CACNB2: variants seen among roughly 807,000 people sequenced by gnomAD.
CACNB2 encodes voltage-dependent L-type calcium channel subunit beta-2.
A neutral mutation model predicts 73.3 loss-of-function variants in CACNB2; 42 were observed. The ratio of observed to expected loss-of-function variants is 0.57; its 90% CI spans 0.45 to 0.74. The LOEUF is 0.74. Ranked by LOEUF, CACNB2 falls within the 30% of genes least tolerant of loss-of-function variation. The probability of loss-of-function intolerance (pLI) is 0.00; values close to 1 mark genes in which losing one functional copy is unlikely to be tolerated. For synonymous variants in CACNB2, 348 were observed against 310.3 expected, an observed-to-expected ratio of 1.12 and a Z score of -1.28; for missense variants, 940 against 853.0, an observed-to-expected ratio of 1.10 and a Z score of -1.27.
At chr10:18,242,904 G>T (rs1588822600) in intron 2 of CACNB2, among the ~76,000 whole-genome samples, 1 of 151,208 alleles carries the variant, frequency 6.6e-6, no homozygotes, top group African/African-American at 2.4e-5. Context: ...CAGCTATTCG[G>T]GAGGCTGAGT....
In CACNB2 at chr10:18,374,450, G is replaced by T. The variant is rs7072365; in HGVS notation, c.214-27474G>T. On this transcript the variant is annotated intron_variant, in intron 2 of 13. Transcript: ENST00000324631. ...ATATCAAATTAGTCAAGGCAAGGCCGGGTACAGTGGCTCATGCCTATAATC... is the reference window on the plus strand; with the variant it reads ...ATATCAAATTAGTCAAGGCAAGGCCTGGTACAGTGGCTCATGCCTATAATC... Among the ~76,000 whole-genome samples, 294 of 152,204 alleles carry T rather than the reference G, an allele frequency of 1.9e-3. 3 individuals carry two copies. Among genetic ancestry groups the T allele is most frequent in the Admixed American group, 0.016 (238 of 15,300 alleles).
At chr10:18,383,870 T>C (rs1257759315) in intron 2 of CACNB2, among the ~76,000 whole-genome samples, 1 of 151,780 alleles carries the variant, frequency 6.6e-6, no homozygotes, top group African/African-American at 2.4e-5. Flanking sequence ...CACGCCCGGC[T>C]AATTTTTGTA....
chr10:18,164,314 G>A (rs531535534), intron 2 of CACNB2, among the ~76,000 whole-genome samples: 8 of 152,242 alleles, frequency 5.3e-5, no homozygotes, highest in Admixed American at 3.3e-4. Flanking sequence ...GCGCAGAAGT[G>A]GTCATTAGTG....
chr10:18,243,091 C>G (rs1330473801), intron 2 of CACNB2, among the ~76,000 whole-genome samples: 2 of 151,564 alleles, frequency 1.3e-5, no homozygotes, highest in Non-Finnish European at 2.9e-5. Context: ...TTGATACTTT[C>G]TAAGTTGTCA....
At chr10:18,406,524 T>C (rs2044296041) in intron 3 of CACNB2, among the ~76,000 whole-genome samples, 1 of 152,184 alleles carries the variant, frequency 6.6e-6, no homozygotes, top group South Asian at 2.1e-4. Context: ...GAGCTATGCA[T>C]GTGAGCGATC....
intron 2 of CACNB2, among the ~76,000 whole-genome samples, chr10:18,192,148 G>C (rs2034426572): frequency 6.6e-6 from 1 of 151,846 alleles, no homozygotes; most frequent in Non-Finnish European, 1.5e-5. Flanking sequence ...AACAAGGCCA[G>C]ACAAAGGTAC....
intron 2 of CACNB2, among the ~76,000 whole-genome samples, chr10:18,154,070 TAG>T (rs1350917879): frequency 1.3e-5 from 2 of 151,934 alleles, no homozygotes; most frequent in East Asian, 3.9e-4. Context: ...ATCTTGCAGT[TAG>T]AGTCTACTAT....
At position 18,140,876 on chromosome 10, in the gene CACNB2, T is replaced by A. The variant is rs1263565587; in HGVS notation, c.120+20T>A. 3.2e-6 allele frequency: 5 copies of A among 1,582,012 alleles called. No homozygotes were observed. The highest frequency in any genetic ancestry group is 1.9e-4 in the Middle Eastern group (1 of 5,160). ...GCACAGGTAGCGAGAGCGCGGCGCCTTCTCCTTCCTTTGTGAGCCGCCGGG... is the reference window on the plus strand; with the variant it reads ...GCACAGGTAGCGAGAGCGCGGCGCCATCTCCTTCCTTTGTGAGCCGCCGGG... On this transcript the variant is annotated intron_variant, in intron 1 of 13. Coordinates refer to ENST00000324631, the MANE Select transcript of CACNB2 (RefSeq NM_201596.3).
chr10:18,412,066 C>T (rs2044661234), intron 3 of CACNB2, among the ~76,000 whole-genome samples: 1 of 152,186 alleles, frequency 6.6e-6, no homozygotes, highest in South Asian at 2.1e-4. Flanking sequence ...TAGCTGTCAG[C>T]ATGTGTGTCT....
In CACNB2 at chr10:18,401,927, T is replaced by C. The variant is rs2044017741; in HGVS notation, c.217T>C (p.Ser73Pro). The C allele has an allele frequency of 6.2e-7, 1 of 1,613,912 alleles. No individual in the cohort carries two copies. Residue 73 changes from serine (S) to proline (P), a missense_variant, in exon 3 of 14, where the codon TCG becomes CCG. Physicochemically the swap from Ser to Pro is moderately conservative, Grantham distance 74. Coordinates refer to ENST00000324631, the MANE Select transcript of CACNB2 (RefSeq NM_201596.3). ...AAATGTACATTTTCCTCTCCAGGGT[T>C]CGGCAGACTCCTACACTAGCCGTCC... ...TTSNSFVRQGSADSYTSRPSD... is the reference protein window; with the variant it reads ...TTSNSFVRQGPADSYTSRPSD...
intron 2 of CACNB2, among the ~76,000 whole-genome samples, chr10:18,270,605 G>T (rs1390695230): frequency 1.3e-5 from 2 of 152,088 alleles, no homozygotes; most frequent in Non-Finnish European, 2.9e-5. Context: ...TTAATTCTCA[G>T]CACCTTCATC....
intron 3 of CACNB2, among the ~76,000 whole-genome samples, chr10:18,424,865 C>G (rs1009805199): frequency 2.6e-5 from 4 of 152,186 alleles, no homozygotes; most frequent in Non-Finnish European, 5.9e-5. Flanking sequence ...TCAATCTGTT[C>G]TCTGTCCATG....
At chr10:18,146,341 A>T (rs559806637) in intron 1 of CACNB2, among the ~76,000 whole-genome samples, 1 of 133,202 alleles carries the variant, frequency 7.5e-6, no homozygotes, top group Non-Finnish European at 1.5e-5. Flanking sequence ...ATGGTGTCTC[A>T]CTCGGTAGCC....
intron 2 of CACNB2, among the ~76,000 whole-genome samples, chr10:18,205,726 A>C (rs1017440723): frequency 2.0e-5 from 3 of 152,108 alleles, no homozygotes; most frequent in Admixed American, 6.5e-5. Flanking sequence ...TCTTTCTTCT[A>C]TTCCAGCTTA....
chr10:18,286,238 C>T (rs1267873865), intron 2 of CACNB2, among the ~76,000 whole-genome samples: 6 of 152,092 alleles, frequency 3.9e-5, no homozygotes, highest in Non-Finnish European at 5.9e-5. Flanking sequence ...CTTATGCTGC[C>T]GGGCGCAGTG....
intron 2 of CACNB2, among the ~76,000 whole-genome samples, chr10:18,162,533 T>A (rs2032542740): frequency 6.6e-6 from 1 of 152,210 alleles, no homozygotes; most frequent in Non-Finnish European, 1.5e-5. Context: ...CAGAATGTGT[T>A]TAAGGAGTAA....
intron 2 of CACNB2, among the ~76,000 whole-genome samples, chr10:18,270,634 G>A (rs2038012150): frequency 6.6e-6 from 1 of 152,006 alleles, no homozygotes; most frequent in African/African-American, 2.4e-5. Flanking sequence ...TCCCCCAGTG[G>A]CATTGAATTT....
intron 2 of CACNB2, chr10:18,400,949 G>T: frequency 1.2e-6 from 2 of 1,605,202 alleles, no homozygotes; most frequent in East Asian, 4.5e-5. Flanking sequence ...TAGGAAAGGA[G>T]CTGGGGTTCT....
At chr10:18,298,943 A>C (rs1035127361) in intron 2 of CACNB2, among the ~76,000 whole-genome samples, 3 of 152,112 alleles carry the variant, frequency 2.0e-5, no homozygotes, top group Non-Finnish European at 4.4e-5. Flanking sequence ...GAGAGATTGC[A>C]CTGTGAGAGG....
Sources: gnomAD v4.1 joint callset for allele counts (sites outside exome capture counted in the v4.1 genomes callset) on GRCh38, gnomAD v4.1.1 for gene constraint, MANE v1.5 for transcripts, NCBI Gene and HGNC (gene_info 2026-07-23, HGNC 2026-07-21) for gene names.